The following ARHGAP15 variants were observed in gnomAD, a reference collection of about 807,000 sequenced individuals.
The protein encoded by ARHGAP15 is rho GTPase-activating protein 15.
In ARHGAP15, 51 loss-of-function variants were observed where a neutral mutation model predicts 63.7. The ratio of observed to expected loss-of-function variants is 0.80; its 90% CI spans 0.64 to 1.01. The LOEUF (loss-of-function observed/expected upper bound fraction) is 1.01. Ranked by LOEUF, ARHGAP15 falls within the 50% of genes least tolerant of loss-of-function variation. The pLI is 0.00. For synonymous variants in ARHGAP15, 191 were observed against 193.8 expected, an observed-to-expected ratio of 0.99 and a Z score of 0.12; for missense variants, 560 against 564.6, an observed-to-expected ratio of 0.99 and a Z score of 0.08.
intron 8 of ARHGAP15, among the ~76,000 whole-genome samples, chr2:143,465,132 C>G (rs1691139576): frequency 6.6e-6 from 1 of 152,170 alleles, no homozygotes; most frequent in South Asian, 2.1e-4. Context: ...TCTCCTTAAC[C>G]TCCTCCTGTT....
rs1240148899 is a variant in ARHGAP15 at position 143,262,559 on chromosome 2, T to TTA, written c.474+11959_474+11960insTA. On this transcript the variant is annotated intron_variant, in intron 6 of 13. Transcript: ENST00000295095. ...GATTTTTTTTTTTTTTTTTTTTTTT[T>TTA]ACTTTGTCACGCCCTGTTCACTGTA... Among the ~76,000 whole-genome samples, 13 of 132,616 alleles carry TTA rather than the reference T, an allele frequency of 9.8e-5. 1 individual carries two copies. In the South Asian group the frequency reaches 1.4e-3, roughly 15 times the overall value. The allele number at this position is 132,616 out of a possible 152,430, so 87.0% of individuals were successfully genotyped here.
rs543941432 is a variant in ARHGAP15 at position 143,758,001 on chromosome 2, T to C, written c.1245-9988T>C. On this transcript the variant is annotated intron_variant, in intron 13 of 13. Transcript: ENST00000295095. ...ACATAAAGAAACTTAGAAATCTACATATGCAAGGATTTCACTGTAGCATTG... is the reference window on the plus strand; with the variant it reads ...ACATAAAGAAACTTAGAAATCTACACATGCAAGGATTTCACTGTAGCATTG... Among the ~76,000 whole-genome samples, 6 of 152,194 alleles carry C rather than the reference T, an allele frequency of 3.9e-5. No individual in the cohort carries two copies. In the South Asian group the frequency reaches 1.2e-3, roughly 31 times the overall value.
intron 6 of ARHGAP15, among the ~76,000 whole-genome samples, chr2:143,430,074 G>T (rs1032550992): frequency 6.6e-6 from 1 of 151,960 alleles, no homozygotes. Flanking sequence ...GTTTGCTAGG[G>T]TAACCCTGGA....
intron 6 of ARHGAP15, among the ~76,000 whole-genome samples, chr2:143,374,696 T>C (rs1489819623): frequency 6.6e-6 from 1 of 152,108 alleles, no homozygotes; most frequent in Non-Finnish European, 1.5e-5. Flanking sequence ...AGAGATAGGG[T>C]CTCACTGTGT....
chr2:143,580,179 A>T (rs1358779360), intron 11 of ARHGAP15, among the ~76,000 whole-genome samples: 1 of 151,890 alleles, frequency 6.6e-6, no homozygotes, highest in Admixed American at 6.6e-5. Context: ...TGACTTAATT[A>T]GGGGCTAAAG....
chr2:143,333,943 A>G (rs1056592455), intron 6 of ARHGAP15, among the ~76,000 whole-genome samples: 2 of 152,194 alleles, frequency 1.3e-5, no homozygotes, highest in African/African-American at 4.8e-5. Context: ...TGCAAGAGGG[A>G]AAGAACAAAG....
intron 2 of ARHGAP15, among the ~76,000 whole-genome samples, chr2:143,191,104 A>G (rs903752756): frequency 2.0e-5 from 3 of 152,214 alleles, no homozygotes; most frequent in African/African-American, 7.2e-5. Context: ...TCCAAGAAAC[A>G]TTTCCAATCA....
At chr2:143,270,601 TTACA>T (rs1296324263) in intron 6 of ARHGAP15, among the ~76,000 whole-genome samples, 1 of 152,360 alleles carries the variant, frequency 6.6e-6, no homozygotes, top group East Asian at 1.9e-4. Flanking sequence ...TTATTTGTAA[TTACA>T]TACTACTTTC....
intron 11 of ARHGAP15, among the ~76,000 whole-genome samples, chr2:143,581,667 A>C (rs1436537200): frequency 6.6e-6 from 1 of 152,148 alleles, no homozygotes; most frequent in East Asian, 1.9e-4. Context: ...TTAGTACAAC[A>C]ATGTAAATAA....
intron 6 of ARHGAP15, among the ~76,000 whole-genome samples, chr2:143,346,232 T>TCTCACACACA (rs1558909721): frequency 1.2e-3 from 57 of 47,636 alleles, no homozygotes; most frequent in African/African-American, 5.7e-3. Context: ...ACACACACTC[T>TCTCACACACA]CTCTCACACA....
intron 12 of ARHGAP15, among the ~76,000 whole-genome samples, chr2:143,670,619 C>T (rs1412660236): frequency 1.3e-5 from 2 of 152,138 alleles, no homozygotes; most frequent in Admixed American, 1.3e-4. Context: ...TGGTGGTGAA[C>T]ACATCACCAT....
At chr2:143,204,365 C>A (rs12988287) in intron 3 of ARHGAP15, among the ~76,000 whole-genome samples, 5 of 151,912 alleles carry the variant, frequency 3.3e-5, no homozygotes, top group Non-Finnish European at 7.4e-5. Flanking sequence ...GGTCTAGAGG[C>A]TGGAAGTCCA....
chr2:143,207,558 A>G (rs1452610671), intron 3 of ARHGAP15, among the ~76,000 whole-genome samples: 1 of 151,786 alleles, frequency 6.6e-6, no homozygotes, highest in Non-Finnish European at 1.5e-5. Context: ...TGGAACTACC[A>G]ATCAGCTTAC....
intron 13 of ARHGAP15, among the ~76,000 whole-genome samples, chr2:143,756,892 T>C (rs1686598842): frequency 6.6e-6 from 1 of 151,940 alleles, no homozygotes; most frequent in African/African-American, 2.4e-5. Flanking sequence ...CTCACTTTTT[T>C]CCCAAGTCTT....
At chr2:143,582,256 T>A (rs1696936517) in intron 11 of ARHGAP15, among the ~76,000 whole-genome samples, 1 of 151,988 alleles carries the variant, frequency 6.6e-6, no homozygotes, top group South Asian at 2.1e-4. Context: ...AATTTGAGGG[T>A]AGTAGGTTAG....
chr2:143,342,156 A>G (rs964219221), intron 6 of ARHGAP15, among the ~76,000 whole-genome samples: 3 of 152,102 alleles, frequency 2.0e-5, no homozygotes, highest in Admixed American at 6.6e-5. Flanking sequence ...ATGATAGAAA[A>G]TTATGATGAT....
At chr2:143,166,015 A>AAGGAAGG (rs1574036281) in intron 2 of ARHGAP15, among the ~76,000 whole-genome samples, 3 of 145,076 alleles carry the variant, frequency 2.1e-5, no homozygotes, top group African/African-American at 5.1e-5. Context: ...GGAAGGAAGG[A>AAGGAAGG]AAAAAAGAAA....
chr2:143,331,541 C>T (rs971068465), intron 6 of ARHGAP15, among the ~76,000 whole-genome samples: 2 of 152,084 alleles, frequency 1.3e-5, no homozygotes, highest in Non-Finnish European at 2.9e-5. Context: ...TTGATGTTAT[C>T]CTTTGAAAAG....
chr2:143,299,396 C>T lies in ARHGAP15; in HGVS notation c.474+48796C>T, dbSNP rs115259372. Among the ~76,000 whole-genome samples the T allele has an allele frequency of 5.8e-3, 878 of 152,008 alleles. 5 individuals carry two copies. The highest frequency in any genetic ancestry group is 9.6e-3 in the Non-Finnish European group (654 of 67,922). On this transcript the variant is annotated intron_variant, in intron 6 of 13. Transcript: ENST00000295095. Reference sequence around the variant, plus strand: ...TGGATGGAAATCCTCTAAATATTTACCACACTTTCTCATACCTTGTCTGTA... The same window carrying T: ...TGGATGGAAATCCTCTAAATATTTATCACACTTTCTCATACCTTGTCTGTA...
Sources: allele counts gnomAD v4.1 joint callset (sites outside exome capture counted in the v4.1 genomes callset), GRCh38; gene constraint gnomAD v4.1.1; transcripts MANE v1.5; gene names NCBI Gene and HGNC (gene_info 2026-07-23, HGNC 2026-07-21).